Variants in ALMS1 observed in about 807,000 individuals in gnomAD.
The protein encoded by ALMS1 is centrosome-associated protein ALMS1.
Under a neutral mutation model 352.2 loss-of-function variants are expected in ALMS1, and 271 were observed. The observed-to-expected ratio is 0.77, with a 90% CI of 0.70 to 0.85. The LOEUF is 0.85. ALMS1 is among the 40% of genes least tolerant of loss of function. The probability of loss-of-function intolerance (pLI) is 0.00; values close to 1 mark genes in which losing one functional copy is unlikely to be tolerated. For synonymous variants in ALMS1, 1,865 were observed against 1,761.2 expected, an observed-to-expected ratio of 1.06 and a Z score of -1.48; for missense variants, 5,445 against 4,870.7, an observed-to-expected ratio of 1.12 and a Z score of -3.51.
chr2:73,466,382 G>C (rs936079868), intron 9 of ALMS1, among the ~76,000 whole-genome samples: 19 of 150,638 alleles, frequency 1.3e-4, no homozygotes, highest in Non-Finnish European at 2.4e-4. Context: ...GCTATCTCAA[G>C]GACAAAAAAC....
At chr2:73,390,767 C>A (rs1158598648) in intron 1 of ALMS1, among the ~76,000 whole-genome samples, 2 of 145,572 alleles carry the variant, frequency 1.4e-5, no homozygotes, top group Non-Finnish European at 3.0e-5. Context: ...GCTTGGAAAT[C>A]TTTTTTTTTT....
At chr2:73,513,834 A>G (rs1673501622) in intron 10 of ALMS1, among the ~76,000 whole-genome samples, 2 of 152,020 alleles carry the variant, frequency 1.3e-5, no homozygotes, top group Non-Finnish European at 2.9e-5. Context: ...CTTGAATTCT[A>G]ATACTCTGTG....
chr2:73,573,367 G>A lies in ALMS1; in HGVS notation c.11490G>A (p.Val3830=), dbSNP rs772345584. The change falls in exon 16 of 23, where the codon GTG becomes GTA. Residue 3830 remains valine, a synonymous_variant. Coordinates refer to ENST00000613296, the MANE Select transcript of ALMS1 (RefSeq NM_001378454.1). ...AGCGGAGCAAACACAGCAAGAAAGT[G>A]CTGAATACAGGTCATCCCCTAGTGA... is the stretch of plus-strand genomic sequence containing the variant. ...LEKRSKHSKK[V]LNTGHPLVTS... 5 of 1,614,096 alleles carry A rather than the reference G, an allele frequency of 3.1e-6. No homozygotes were observed. In the South Asian group the frequency reaches 5.5e-5, roughly 18 times the overall value.
chr2:73,584,669 G>C (rs1243514789), intron 16 of ALMS1, among the ~76,000 whole-genome samples: 2 of 152,142 alleles, frequency 1.3e-5, no homozygotes, highest in Admixed American at 1.3e-4. Flanking sequence ...GGGAACAGGT[G>C]GTTTTTGGTT....
At chr2:73,397,633 A>G (rs747587809) in intron 1 of ALMS1, among the ~76,000 whole-genome samples, 1 of 152,138 alleles carries the variant, frequency 6.6e-6, no homozygotes, top group South Asian at 2.1e-4. Context: ...ACGCTCAGCT[A>G]ATTATTTTTC....
intron 16 of ALMS1, among the ~76,000 whole-genome samples, chr2:73,597,173 T>G (rs533312265): frequency 3.9e-5 from 6 of 152,256 alleles, no homozygotes; most frequent in Admixed American, 1.3e-4. Context: ...AATATTTTAT[T>G]CTTTTTGATG....
chr2:73,497,796 G>GGCATTTA (rs1411480983), intron 10 of ALMS1, among the ~76,000 whole-genome samples: 1 of 152,098 alleles, frequency 6.6e-6, no homozygotes, highest in Non-Finnish European at 1.5e-5. Context: ...TTGGTTGATG[G>GGCATTTA]GCATTTAGGT....
intron 1 of ALMS1, among the ~76,000 whole-genome samples, chr2:73,405,856 T>C (rs1336628168): frequency 6.6e-6 from 1 of 152,208 alleles, no homozygotes; most frequent in Non-Finnish European, 1.5e-5. Context: ...TATAAATTTC[T>C]TGATTTTCCA....
intron 9 of ALMS1, among the ~76,000 whole-genome samples, chr2:73,481,387 A>G (rs981424058): frequency 6.6e-6 from 1 of 152,136 alleles, no homozygotes; most frequent in African/African-American, 2.4e-5. Flanking sequence ...AGATAGTTGT[A>G]GATATGCTGC....
chr2:73,489,887 G>T lies in ALMS1; in HGVS notation c.7928G>T (p.Trp2643Leu). 2 of 1,614,118 alleles carry T rather than the reference G, an allele frequency of 1.2e-6. No homozygotes were observed. The highest frequency in any genetic ancestry group is 1.7e-6 in the Non-Finnish European group (2 of 1,180,020). The change falls in exon 10 of 23, where the codon TGG (tryptophan) becomes TTG (leucine). Residue 2643 changes from tryptophan (W) to leucine (L), a missense_variant. Trp to Leu is a moderately conservative substitution (Grantham distance 61). Transcript: ENST00000613296. The stretch of plus-strand genomic sequence containing the variant: ...CAGAACAACTCCCATTTCAAAGTTT[G>T]GAATTCCTTGCAGTTAAAAAGTCAT... Reference protein sequence around the residue: ...LDQNNSHFKVWNSLQLKSHSP... With the variant: ...LDQNNSHFKVLNSLQLKSHSP...
chr2:73,510,044 C>G (rs151007521), intron 10 of ALMS1, among the ~76,000 whole-genome samples: 236 of 152,314 alleles, frequency 1.5e-3, no homozygotes, highest in Non-Finnish European at 2.5e-3. Context: ...TCGAATTTCT[C>G]ATGCTGTGTT....
chr2:73,447,150 C>A (rs1199186092), intron 7 of ALMS1, among the ~76,000 whole-genome samples: 1 of 152,098 alleles, frequency 6.6e-6, no homozygotes, highest in Non-Finnish European at 1.5e-5. Context: ...CTTGTCAAAT[C>A]CTGTCATTTC....
chr2:73,508,966 C>T (rs2103938549), intron 10 of ALMS1, among the ~76,000 whole-genome samples: 1 of 152,232 alleles, frequency 6.6e-6, no homozygotes, highest in East Asian at 1.9e-4. Flanking sequence ...ATCCGTTTAC[C>T]ATTATGTAAT....
chr2:73,565,770 C>T (rs1312847091), intron 15 of ALMS1, among the ~76,000 whole-genome samples: 1 of 152,104 alleles, frequency 6.6e-6, no homozygotes, highest in Non-Finnish European at 1.5e-5. Flanking sequence ...AAACCCATAA[C>T]CCCAGTCTAA....
intron 15 of ALMS1, among the ~76,000 whole-genome samples, chr2:73,560,632 G>A (rs1057281746): frequency 6.6e-6 from 1 of 152,152 alleles, no homozygotes; most frequent in African/African-American, 2.4e-5. Context: ...TAATCAAGAG[G>A]TGGAAGCAAC....
At chr2:73,525,252 G>A (rs961249926) in intron 11 of ALMS1, among the ~76,000 whole-genome samples, 7 of 152,112 alleles carry the variant, frequency 4.6e-5, no homozygotes, top group South Asian at 2.1e-4. Flanking sequence ...CAGATTTATC[G>A]CTGACATACT....
intron 9 of ALMS1, chr2:73,462,808 T>C (rs1313419300): frequency 1.3e-5 from 2 of 152,096 alleles, no homozygotes; most frequent in African/African-American, 2.4e-5. Context: ...GTTGCAATCC[T>C]AGTCTCTGAT....
intron 9 of ALMS1, among the ~76,000 whole-genome samples, chr2:73,455,867 C>T (rs1672050011): frequency 6.6e-6 from 1 of 151,936 alleles, no homozygotes; most frequent in South Asian, 2.1e-4. Flanking sequence ...ACAGAGAAGA[C>T]TAAATGTCAC....
intron 10 of ALMS1, among the ~76,000 whole-genome samples, chr2:73,494,066 C>G (rs1673051172): frequency 6.6e-6 from 1 of 152,200 alleles, no homozygotes. Context: ...ATGGCCATGG[C>G]TTTGGCCAGA....
Sources: gnomAD v4.1 joint callset for allele counts (sites outside exome capture counted in the v4.1 genomes callset) on GRCh38, gnomAD v4.1.1 for gene constraint, MANE v1.5 for transcripts, NCBI Gene and HGNC (gene_info 2026-07-23, HGNC 2026-07-21) for gene names.